The following THADA variants were observed in gnomAD, a reference collection of about 807,000 sequenced individuals.
THADA encodes the protein tRNA (32-2'-O)-methyltransferase regulator THADA.
A neutral mutation model predicts 219.8 loss-of-function variants in THADA; 213 were observed. The ratio of observed to expected loss-of-function variants is 0.97; its 90% CI spans 0.87 to 1.09. The LOEUF is 1.09. THADA is among the 50% of genes least tolerant of loss of function. The pLI, the probability that THADA is intolerant of heterozygous loss-of-function variation, is 0.00. For missense variants in THADA, 2,956 were observed against 2,311.3 expected, an observed-to-expected ratio of 1.28 and a Z score of -5.72; for synonymous variants, 1,018 against 828.9, an observed-to-expected ratio of 1.23 and a Z score of -3.92.
intron 8 of THADA, among the ~76,000 whole-genome samples, chr2:43,579,606 T>C (rs1700202242): frequency 6.6e-6 from 1 of 152,222 alleles, no homozygotes; most frequent in South Asian, 2.1e-4. Context: ...AGCAGGATAC[T>C]TGCTTCTTCA....
chr2:43,298,731 C>G (rs80292574), intron 31 of THADA, among the ~76,000 whole-genome samples: 2,379 of 152,036 alleles, frequency 0.016, 58 homozygotes, highest in African/African-American at 0.054. Context: ...TTTTTCTGGT[C>G]TGGGGCCTTA....
chr2:43,470,287 C>A (rs190564951), intron 26 of THADA, among the ~76,000 whole-genome samples: 89 of 150,936 alleles, frequency 5.9e-4, no homozygotes, highest in African/African-American at 1.4e-3. Context: ...CCAGTTATAA[C>A]CTTTGACACA....
chr2:43,494,096 C>T (rs1031544653), intron 25 of THADA, among the ~76,000 whole-genome samples: 1 of 152,210 alleles, frequency 6.6e-6, no homozygotes, highest in African/African-American at 2.4e-5. Flanking sequence ...ACTGGACATG[C>T]GATCTGGCTT....
chr2:43,327,655 C>T (rs1027464570), intron 30 of THADA, among the ~76,000 whole-genome samples: 1 of 152,126 alleles, frequency 6.6e-6, no homozygotes, highest in Non-Finnish European at 1.5e-5. Context: ...CCTATAATCC[C>T]AGCTACTCTG....
rs1372914273 is a variant in THADA at position 43,577,259 on chromosome 2, G to C, written c.817-17C>G. On this transcript the variant is annotated splice_polypyrimidine_tract_variant and intron_variant, in intron 9 of 37. Coordinates refer to ENST00000405975, the MANE Select transcript of THADA (RefSeq NM_022065.5). ...ACTGCTAATCTGGAAAAATATAGCA[G>C]AGCTAACACACATAAAGCTTTTAAA... is the stretch of plus-strand genomic sequence containing the variant. 1.4e-5 allele frequency: 22 copies of C among 1,546,052 alleles called. No homozygotes were observed. The highest frequency in any genetic ancestry group is 1.8e-5 in the Non-Finnish European group (20 of 1,138,636).
intron 29 of THADA, among the ~76,000 whole-genome samples, chr2:43,350,850 C>T (rs1228582092): frequency 6.6e-6 from 1 of 152,220 alleles, no homozygotes; most frequent in African/African-American, 2.4e-5. Context: ...GTCCCCAAAA[C>T]ATGACACCTT....
At chr2:43,238,663 G>A (rs1330446732) in intron 36 of THADA, among the ~76,000 whole-genome samples, 2 of 152,280 alleles carry the variant, frequency 1.3e-5, no homozygotes, top group East Asian at 3.9e-4. Context: ...GTACATAAAT[G>A]TTCATAGCAG....
intron 36 of THADA, among the ~76,000 whole-genome samples, chr2:43,260,522 C>T (rs1670818616): frequency 6.6e-6 from 1 of 152,178 alleles, no homozygotes; most frequent in African/African-American, 2.4e-5. Flanking sequence ...GGGAGGATCA[C>T]TTGAGCCCAG....
rs182297366 is a variant in THADA, at chr2:43,552,941, C to T, written c.2675-602G>A. 2.6e-5 allele frequency among the ~76,000 whole-genome samples: 4 copies of T among 152,226 alleles called. No homozygotes were observed. The East Asian group carries it at 7.7e-4, about 29-fold the overall frequency. On this transcript the variant is annotated intron_variant, in intron 17 of 37. Coordinates refer to ENST00000405975, the MANE Select transcript of THADA (RefSeq NM_022065.5). ...CGTCCAGAGTAGGCAAATCTATAGACAGAAAATAAACTAGTTGCCTGGACG... is the reference window on the plus strand; with the variant it reads ...CGTCCAGAGTAGGCAAATCTATAGATAGAAAATAAACTAGTTGCCTGGACG...
At chr2:43,529,260 T>G (rs373473398) in intron 21 of THADA, among the ~76,000 whole-genome samples, 1 of 152,106 alleles carries the variant, frequency 6.6e-6, no homozygotes, top group Non-Finnish European at 1.5e-5. Context: ...TCAAGGAGTT[T>G]GAGGTTACAG....
chr2:43,257,350 G>A (rs888610092), intron 36 of THADA, among the ~76,000 whole-genome samples: 7 of 152,216 alleles, frequency 4.6e-5, no homozygotes, highest in Admixed American at 1.3e-4. Context: ...CAAACCCTGC[G>A]CCTCCCTATG....
chr2:43,259,776 T>C (rs1211183941), intron 36 of THADA, among the ~76,000 whole-genome samples: 1 of 152,236 alleles, frequency 6.6e-6, no homozygotes, highest in African/African-American at 2.4e-5. Flanking sequence ...ATAAACACTG[T>C]TGAAAGGAAT....
chr2:43,244,155 A>G (rs534092995), intron 36 of THADA, among the ~76,000 whole-genome samples: 17 of 152,342 alleles, frequency 1.1e-4, no homozygotes, highest in African/African-American at 4.1e-4. Flanking sequence ...TTAAAAATGG[A>G]CACAGCCAAT....
intron 26 of THADA, among the ~76,000 whole-genome samples, chr2:43,456,285 C>A (rs1042495804): frequency 2.0e-5 from 3 of 152,186 alleles, no homozygotes; most frequent in Admixed American, 1.3e-4. Flanking sequence ...TACTATTTAT[C>A]TGACTACATT....
At chr2:43,541,087 T>C in intron 21 of THADA, 72 bp downstream of exon 21, 1 of 1,387,038 alleles carries the variant, frequency 7.2e-7, no homozygotes, top group Non-Finnish European at 9.5e-7. Context: ...TTTTTAGAGT[T>C]GGGTTATAAA....
intron 29 of THADA, among the ~76,000 whole-genome samples, chr2:43,363,995 G>A (rs933590406): frequency 9.2e-5 from 14 of 152,174 alleles, no homozygotes; most frequent in African/African-American, 2.9e-4. Flanking sequence ...GCCAAGGCGG[G>A]CAGATTGCTT....
intron 15 of THADA, chr2:43,563,021 T>C (rs1170892065): frequency 6.6e-6 from 1 of 152,250 alleles, no homozygotes; most frequent in Non-Finnish European, 1.5e-5. Flanking sequence ...ACACAACTTC[T>C]GGTTTCGTAG....
chr2:43,483,316 C>T (rs1192046055), intron 26 of THADA, among the ~76,000 whole-genome samples: 2 of 152,144 alleles, frequency 1.3e-5, no homozygotes, highest in East Asian at 3.8e-4. Context: ...GGCATATAAA[C>T]ATTTAAACAA....
At chr2:43,316,875 C>T (rs13017478) in intron 31 of THADA, among the ~76,000 whole-genome samples, 41,107 of 152,078 alleles carry the variant, frequency 0.27, 5,813 homozygotes, top group Middle Eastern at 0.39. Flanking sequence ...TTTGGTAAGC[C>T]GAGATTGTGC....
Sources: allele counts gnomAD v4.1 joint callset (sites outside exome capture counted in the v4.1 genomes callset), GRCh38; gene constraint gnomAD v4.1.1; transcripts MANE v1.5; gene names NCBI Gene and HGNC (gene_info 2026-07-23, HGNC 2026-07-21).